Variants in NUMBL observed in about 807,000 individuals in gnomAD.
NUMBL encodes the protein NUMB like endocytic adaptor protein, also known as numb-like protein.
NUMBL carries 20 observed loss-of-function variants against 48.9 expected under a neutral mutation model. That is an observed-to-expected ratio of 0.41 (90% CI 0.29 to 0.59). NUMBL has a LOEUF of 0.59. Among genes scored for constraint, NUMBL ranks in the 20% least tolerant of loss-of-function variants. The pLI is 0.31. For missense variants in NUMBL, 660 were observed against 846.2 expected, an observed-to-expected ratio of 0.78 and a Z score of 2.73; for synonymous variants, 340 against 348.7, an observed-to-expected ratio of 0.98 and a Z score of 0.28.
Position 40,687,278 on chromosome 19 carries a change from T to C in NUMBL, c.25-283A>G, listed in dbSNP as rs916298113. On this transcript the variant is annotated intron_variant, in intron 1 of 9. Coordinates refer to ENST00000252891, the MANE Select transcript of NUMBL (RefSeq NM_004756.5). This position sits in a 1 kb window ranked among gnomAD's most constrained non-coding sequence, Gnocchi z 4.6. Reference sequence around the variant, plus strand: ...AGAGTGGCCTTGCCCTCCAGATGCATGTGCAGGGCTACACACATACGCAGC... The same window carrying C: ...AGAGTGGCCTTGCCCTCCAGATGCACGTGCAGGGCTACACACATACGCAGC... Among the ~76,000 whole-genome samples, 5 of 152,162 alleles carry C rather than the reference T, an allele frequency of 3.3e-5. No homozygotes were observed. The highest frequency in any genetic ancestry group is 9.7e-5 in the African/African-American group (4 of 41,442).
At chr19:40,684,395 G>A (rs533212110) in intron 3 of NUMBL, 22 bp downstream of exon 3, 2 of 1,543,890 alleles carry the variant, frequency 1.3e-6, no homozygotes, top group East Asian at 2.4e-5. Context: ...TCGCCCCGCC[G>A]CACCCTGCCG....
At chr19:40,681,349 G>A (rs939001418) in intron 5 of NUMBL, among the ~76,000 whole-genome samples, 2 of 152,216 alleles carry the variant, frequency 1.3e-5, no homozygotes, top group African/African-American at 2.4e-5. Context: ...CAGCATGGCA[G>A]AAGCCAGCTT....
rs75216361 is a variant in NUMBL at position 40,670,228 on chromosome 19, C to T, written c.1037-208G>A. Among the ~76,000 whole-genome samples the T allele has an allele frequency of 1.1e-3, 160 of 152,308 alleles. 2 individuals are homozygous for T. The highest frequency in any genetic ancestry group is 3.7e-3 in the African/African-American group (153 of 41,562). On this transcript the variant is annotated intron_variant, in intron 8 of 9. Coordinates refer to ENST00000252891, the MANE Select transcript of NUMBL (RefSeq NM_004756.5). Reference sequence around the variant, plus strand: ...GACTGAGTTAGTGTGTGACATTTGACGGCTGACAGTAACAGGGACCCCAAA... The same window carrying T: ...GACTGAGTTAGTGTGTGACATTTGATGGCTGACAGTAACAGGGACCCCAAA...
In NUMBL at chr19:40,677,215, C is replaced by A; in HGVS notation, c.730+17G>T. 6.5e-7 allele frequency: 1 copy of A among 1,550,228 alleles called. No individual in the cohort carries two copies. On this transcript the variant is annotated intron_variant, in intron 7 of 9. Coordinates refer to ENST00000252891, the MANE Select transcript of NUMBL (RefSeq NM_004756.5). ...GTGCCCACTCTGTGCTCTGCTGGCGCTTGGGGCAACACCCACCTTTCTTCT... is the reference window on the plus strand; with the variant it reads ...GTGCCCACTCTGTGCTCTGCTGGCGATTGGGGCAACACCCACCTTTCTTCT...
chr19:40,669,383 G>A (rs541575759), intron 9 of NUMBL, among the ~76,000 whole-genome samples: 18 of 152,202 alleles, frequency 1.2e-4, no homozygotes, highest in African/African-American at 4.3e-4. Flanking sequence ...ATGGCTCTAA[G>A]ATGATCCATG....
chr19:40,690,514 C>G lies in NUMBL; in HGVS notation c.-31G>C. 1 of 1,252,508 alleles carries G rather than the reference C, an allele frequency of 8.0e-7. No homozygotes were observed. Among genetic ancestry groups the G allele is most frequent in the Admixed American group, 4.0e-5 (1 of 24,752 alleles). 77.6% of individuals were successfully genotyped at this position (1,252,508 alleles called of 1,614,324 possible). ...GCCCGGGCGCCCCCGCCTCCCGCGG[C>G]CCTGGCTGGGCCTGGCTCCCCGACT... On this transcript the variant is annotated 5_prime_UTR_variant, in exon 1 of 10. Transcript: ENST00000252891.
rs1386482132 is a variant in NUMBL, at chr19:40,682,019, C to T, written c.399+709G>A. 6.6e-6 allele frequency among the ~76,000 whole-genome samples: 1 copy of T among 152,028 alleles called. No homozygotes were observed. The highest frequency in any genetic ancestry group is 1.9e-4 in the East Asian group (1 of 5,146). On this transcript the variant is annotated intron_variant, in intron 5 of 9. Transcript: ENST00000252891. The surrounding 1 kb of genome is among the most constrained non-coding windows in gnomAD (Gnocchi z 4.0). ...ATTATTTTGTATAGATGGAGCCTTG[C>T]TATGTTTCACAGGCTGATCTTGAAC...
intron 1 of NUMBL, chr19:40,690,172 G>C (rs1408331231): frequency 3.1e-6 from 1 of 323,248 alleles, no homozygotes; most frequent in Non-Finnish European, 5.6e-6. Flanking sequence ...TCTAGTTCTA[G>C]GAGTTGTACC....
At chr19:40,675,510 A>T (rs530293274) in intron 7 of NUMBL, among the ~76,000 whole-genome samples, 3,785 of 147,420 alleles carry the variant, frequency 0.026, 188 homozygotes, top group African/African-American at 0.09. Context: ...ATAAATAAAT[A>T]AATTAATTAA....
rs1485656192 is a variant in NUMBL at position 40,682,305 on chromosome 19, T to G, written c.399+423A>C. ...CCATGTCCAGCTAATTTTTGTATTT[T>G]TAGTGAGATGAGGTTTCACCATATT... On this transcript the variant is annotated intron_variant, in intron 5 of 9. Coordinates refer to ENST00000252891, the MANE Select transcript of NUMBL (RefSeq NM_004756.5). The surrounding 1 kb of genome is among the most constrained non-coding windows in gnomAD (Gnocchi z 4.0). 6.6e-6 allele frequency among the ~76,000 whole-genome samples: 1 copy of G among 151,952 alleles called. No homozygotes were observed. The highest frequency in any genetic ancestry group is 1.5e-5 in the Non-Finnish European group (1 of 67,964).
chr19:40,674,629 C>A (rs79236885), intron 7 of NUMBL, among the ~76,000 whole-genome samples: 1,974 of 152,240 alleles, frequency 0.013, 49 homozygotes, highest in African/African-American at 0.044. Context: ...CAATGGGGCA[C>A]CCATGCAGGC....
At position 40,685,725 on chromosome 19, in the gene NUMBL, C is replaced by T. The variant is rs1184314308; in HGVS notation, c.110-1169G>A. 1.2e-4 allele frequency: 19 copies of T among 153,372 alleles called. No individual in the cohort carries two copies. The Admixed American group carries it at 1.2e-3, about 10-fold the overall frequency. 9.5% of individuals were successfully genotyped at this position (153,372 alleles called of 1,614,324 possible). A position where few individuals can be genotyped will look rare whatever the true frequency, so the allele number is the denominator to read the frequency against. ...ATGGCTGTTATCCATGTAGCTATGT[C>T]TCTGTGTGAAGGTGTGGCTATTGTC... On this transcript the variant is annotated intron_variant, in intron 2 of 9. Transcript: ENST00000252891.
rs1194475058 is a variant in NUMBL, at chr19:40,677,222, C to T, written c.730+10G>A. The T allele has an allele frequency of 5.8e-6, 9 of 1,551,322 alleles. No homozygotes were observed. The Admixed American group carries it at 5.9e-5, about 10-fold the overall frequency. Reference sequence around the variant, plus strand: ...CTCTGTGCTCTGCTGGCGCTTGGGGCAACACCCACCTTTCTTCTTGTCCGG... The same window carrying T: ...CTCTGTGCTCTGCTGGCGCTTGGGGTAACACCCACCTTTCTTCTTGTCCGG... On this transcript the variant is annotated intron_variant, in intron 7 of 9. Transcript: ENST00000252891.
chr19:40,680,205 C>T (rs1358946255), intron 6 of NUMBL, among the ~76,000 whole-genome samples: 1 of 151,150 alleles, frequency 6.6e-6, no homozygotes, highest in Non-Finnish European at 1.5e-5. Context: ...AGTCTTGGCT[C>T]ACTGCAACCT....
At chr19:40,681,094 ACT>A (rs1361323348) in intron 5 of NUMBL, 37 bp from the exon 6 acceptor site, 1 of 1,609,076 alleles carries the variant, frequency 6.2e-7, no homozygotes. Flanking sequence ...AAGAGTGTGA[ACT>A]CTCTTTCAAG....
intron 6 of NUMBL, among the ~76,000 whole-genome samples, chr19:40,679,400 C>T (rs1477168138): frequency 1.3e-5 from 2 of 151,922 alleles, no homozygotes; most frequent in South Asian, 2.1e-4. Context: ...AAAACATTGC[C>T]GGGCAGGGTG....
chr19:40,686,836 G>C (rs2081937391), intron 2 of NUMBL, 75 bp downstream of exon 2: 20 of 917,696 alleles, frequency 2.2e-5, no homozygotes, highest in Non-Finnish European at 3.5e-5. Context: ...GTGACCGCAG[G>C]GACAGCTCCT....
At position 40,687,474 on chromosome 19, in the gene NUMBL, C is replaced by G. The variant is rs2081940894; in HGVS notation, c.25-479G>C. 6.6e-6 allele frequency among the ~76,000 whole-genome samples: 1 copy of G among 152,222 alleles called. No individual in the cohort carries two copies. The highest frequency in any genetic ancestry group is 1.5e-5 in the Non-Finnish European group (1 of 68,032). On this transcript the variant is annotated intron_variant, in intron 1 of 9. Transcript: ENST00000252891. This position sits in a 1 kb window ranked among gnomAD's most constrained non-coding sequence, Gnocchi z 4.6. ...CCGCATATTCATGTTCGGACACACA[C>G]AGTCTCTACTACAGACATTTGTCCA...
chr19:40,683,517 A>G (rs2081916484), intron 3 of NUMBL, among the ~76,000 whole-genome samples: 1 of 152,142 alleles, frequency 6.6e-6, no homozygotes, highest in African/African-American at 2.4e-5. Flanking sequence ...CTCCCAAATG[A>G]AGCCGTCACA....
Sources: allele counts gnomAD v4.1 joint callset (sites outside exome capture counted in the v4.1 genomes callset), GRCh38; gene constraint gnomAD v4.1.1; non-coding constraint Gnocchi (gnomAD v3.1); transcripts MANE v1.5; gene names NCBI Gene and HGNC (gene_info 2026-07-23, HGNC 2026-07-21).